Variants in CHIT1 observed in about 807,000 individuals in gnomAD.
CHIT1 encodes the protein chitotriosidase-1.
A neutral mutation model predicts 52.0 loss-of-function variants in CHIT1; 47 were observed. The observed-to-expected ratio is 0.90, with a 90% CI of 0.71 to 1.15. The LOEUF (loss-of-function observed/expected upper bound fraction) is 1.15. Among genes scored for constraint, CHIT1 ranks in the 50% most tolerant of loss-of-function variants. The pLI is 0.00. For synonymous variants in CHIT1, 242 were observed against 228.2 expected, an observed-to-expected ratio of 1.06 and a Z score of -0.54; for missense variants, 569 against 583.0, an observed-to-expected ratio of 0.98 and a Z score of 0.25.
At chr1:203,218,549 C>T (rs1191223213) in intron 9 of CHIT1, among the ~76,000 whole-genome samples, 1 of 152,200 alleles carries the variant, frequency 6.6e-6, no homozygotes, top group Non-Finnish European at 1.5e-5. Flanking sequence ...TTTACTTTCT[C>T]TGCACCCGCG....
intron 9 of CHIT1, 76 bp downstream of exon 9, chr1:203,219,140 G>C: frequency 1.2e-6 from 1 of 818,758 alleles, no homozygotes; most frequent in Non-Finnish European, 2.2e-6. Context: ...TTGAGGTCCT[G>C]AACTGTCCTC....
chr1:203,225,998 C>T lies in CHIT1; in HGVS notation c.56-128G>A, dbSNP rs185483258. ...TACACCTGGAGTCAGTGGAGGGACCCGACAGGCAGAAATGGCATTTGCTTT... is the reference window on the plus strand; with the variant it reads ...TACACCTGGAGTCAGTGGAGGGACCTGACAGGCAGAAATGGCATTTGCTTT... On this transcript the variant is annotated intron_variant, in intron 2 of 10. Transcript: ENST00000367229. 1.4e-3 allele frequency: 1,398 copies of T among 994,276 alleles called. 9 individuals are homozygous for T. The highest frequency in any genetic ancestry group is 8.2e-4 in the Non-Finnish European group (526 of 644,722). 61.6% of individuals were successfully genotyped at this position (994,276 alleles called of 1,614,324 possible). A position where few individuals can be genotyped will look rare whatever the true frequency, so the allele number is the denominator to read the frequency against.
At chr1:203,227,650 C>T (rs1482997397) in intron 2 of CHIT1, among the ~76,000 whole-genome samples, 1 of 152,222 alleles carries the variant, frequency 6.6e-6, no homozygotes, top group African/African-American at 2.4e-5. Flanking sequence ...CTCGGAGGAA[C>T]ACTGCAAGGA....
chr1:203,225,623 TCAC>T lies in CHIT1; in HGVS notation c.257+43_257+45del, dbSNP rs752644327. On this transcript the variant is annotated intron_variant, in intron 3 of 10. Coordinates refer to ENST00000367229, the MANE Select transcript of CHIT1 (RefSeq NM_003465.3). ...TCTGGCTCTGGGAGGAGGTTATCTG[TCAC>T]CCCACCACATCCCACCCACCCTGCT... 3 of 1,583,664 alleles carry T rather than the reference TCAC, an allele frequency of 1.9e-6. No individual in the cohort carries two copies. The Admixed American group carries it at 5.0e-5, about 26-fold the overall frequency.
chr1:203,219,988 C>A, intron 7 of CHIT1, 139 bp from the exon 8 acceptor site: 1 of 1,033,114 alleles, frequency 9.7e-7, no homozygotes, highest in African/African-American at 1.6e-5. Context: ...GGATTCCAGC[C>A]CTACCCCATC....
chr1:203,221,438 A>G (rs1467591872), intron 7 of CHIT1, among the ~76,000 whole-genome samples: 1 of 152,032 alleles, frequency 6.6e-6, no homozygotes, highest in Non-Finnish European at 1.5e-5. Context: ...GTTTGAGACC[A>G]TCCTGGGCAA....
Position 203,219,645 on chromosome 1 carries a change from T to G in CHIT1, c.915+19A>C. The G allele has an allele frequency of 3.1e-6, 5 of 1,613,368 alleles. No homozygotes were observed. Among genetic ancestry groups the G allele is most frequent in the Non-Finnish European group, 4.2e-6 (5 of 1,179,546 alleles). ...CCCCTGACCCTCACAATACCCAGGG[T>G]GGTTATGGGTTTTCCTACTTCATAG... is the stretch of plus-strand genomic sequence containing the variant. On this transcript the variant is annotated intron_variant, in intron 8 of 10. Transcript: ENST00000367229.
At chr1:203,225,569 T>TGTG (rs1369980682) in intron 3 of CHIT1, 100 bp downstream of exon 3, 1 of 1,221,796 alleles carries the variant, frequency 8.2e-7, no homozygotes, top group Non-Finnish European at 1.2e-6. Context: ...ACAGTGGGTC[T>TGTG]GTGGCAGGAC....
Position 203,216,673 on chromosome 1 carries a change from G to T in CHIT1, c.*216C>A. 1 of 668,466 alleles carries T rather than the reference G, an allele frequency of 1.5e-6. No homozygotes were observed. Among genetic ancestry groups the T allele is most frequent in the Non-Finnish European group, 2.7e-6 (1 of 369,798 alleles). The allele number at this position is 668,466 out of a possible 1,614,324, so 41.4% of individuals were successfully genotyped here. A position where few individuals can be genotyped will look rare whatever the true frequency, so the allele number is the denominator to read the frequency against. ...TAAGTCACCACATCTTTGGGAAGAG[G>T]GGCACAAACCAAAGATTTATTTTGC... On this transcript the variant is annotated 3_prime_UTR_variant, in exon 11 of 11. Coordinates refer to ENST00000367229, the MANE Select transcript of CHIT1 (RefSeq NM_003465.3).
chr1:203,219,624 T>C, intron 8 of CHIT1, 40 bp downstream of exon 8: 1 of 1,609,338 alleles, frequency 6.2e-7, no homozygotes, highest in Non-Finnish European at 8.5e-7. Context: ...AGGCACCCCC[T>C]GACCCTCACA....
chr1:203,226,838 C>A (rs973036657), intron 2 of CHIT1, among the ~76,000 whole-genome samples: 1 of 152,104 alleles, frequency 6.6e-6, no homozygotes, highest in African/African-American at 2.4e-5. Context: ...CCAGCATCTG[C>A]CAAAAATAGA....
chr1:203,226,117 G>C (rs1254345994), intron 2 of CHIT1, among the ~76,000 whole-genome samples: 1 of 152,234 alleles, frequency 6.6e-6, no homozygotes, highest in Non-Finnish European at 1.5e-5. Flanking sequence ...CATCTTCTAA[G>C]CCTTCTTTTC....
At chr1:203,228,875 G>A (rs765880653) in intron 1 of CHIT1, among the ~76,000 whole-genome samples, 1 of 152,204 alleles carries the variant, frequency 6.6e-6, no homozygotes, top group Non-Finnish European at 1.5e-5. Context: ...GCTGACTTGT[G>A]AGTTATTTAG....
At chr1:203,224,992 G>T in intron 4 of CHIT1, 56 bp downstream of exon 4, 1 of 1,515,890 alleles carries the variant, frequency 6.6e-7, no homozygotes, top group Non-Finnish European at 9.2e-7. Flanking sequence ...CCTCTGGCCA[G>T]TGCACCAGGT....
chr1:203,228,319 C>T (rs1657000732), intron 2 of CHIT1, among the ~76,000 whole-genome samples: 1 of 152,222 alleles, frequency 6.6e-6, no homozygotes, highest in South Asian at 2.1e-4. Flanking sequence ...AAGCTGGCCC[C>T]ACAGATGTGC....
chr1:203,222,502 C>A (rs965775651), intron 6 of CHIT1, among the ~76,000 whole-genome samples, 177 bp from the exon 7 acceptor site: 8 of 152,184 alleles, frequency 5.3e-5, no homozygotes, highest in African/African-American at 1.9e-4. Flanking sequence ...CCCAGCCAGC[C>A]CCCTTATGAA....
chr1:203,217,610 G>A, intron 10 of CHIT1, 129 bp downstream of exon 10: 1 of 1,453,066 alleles, frequency 6.9e-7, no homozygotes, highest in Non-Finnish European at 9.5e-7. Flanking sequence ...CATGAAGCTT[G>A]GGAAATTACA....
upstream of CHIT1, chr1:203,229,736 G>T: frequency 7.3e-7 from 1 of 1,374,472 alleles, no homozygotes; most frequent in Non-Finnish European, 1.0e-6. Flanking sequence ...CAGGAGTGTT[G>T]CAATCAGGGG....
intron 9 of CHIT1, 109 bp downstream of exon 9, chr1:203,219,107 G>C (rs1338103983): frequency 3.9e-6 from 3 of 768,540 alleles, no homozygotes; most frequent in African/African-American, 3.4e-5. Context: ...TGAAATGTTG[G>C]GACATTTAAA....
Sources: allele counts gnomAD v4.1 joint callset (sites outside exome capture counted in the v4.1 genomes callset), GRCh38; gene constraint gnomAD v4.1.1; transcripts MANE v1.5; gene names NCBI Gene and HGNC (gene_info 2026-07-23, HGNC 2026-07-21).